ENOX1: variants seen among roughly 807,000 people sequenced by gnomAD.
ENOX1 encodes candidate growth-related and time keeping constitutive hydroquinone (NADH) oxidase.
A neutral mutation model predicts 82.5 loss-of-function variants in ENOX1; 42 were observed. That is an observed-to-expected ratio of 0.51 (90% confidence interval 0.40 to 0.66). ENOX1 has a LOEUF of 0.66. Ranked by LOEUF, ENOX1 falls within the 30% of genes least tolerant of loss-of-function variation. ENOX1 has a pLI of 0.00. For synonymous variants in ENOX1, 271 were observed against 282.2 expected, an observed-to-expected ratio of 0.96 and a Z score of 0.40; for missense variants, 608 against 811.6, an observed-to-expected ratio of 0.75 and a Z score of 3.05.
intron 1 of ENOX1, among the ~76,000 whole-genome samples, chr13:43,744,697 A>T (rs556832569): frequency 6.6e-6 from 1 of 152,328 alleles, no homozygotes; most frequent in South Asian, 2.1e-4. Context: ...TGCTTTCACC[A>T]TTATTAAAGT....
chr13:43,376,613 C>A (rs2051650713), intron 5 of ENOX1, among the ~76,000 whole-genome samples: 1 of 152,184 alleles, frequency 6.6e-6, no homozygotes, highest in African/African-American at 2.4e-5. Flanking sequence ...AGAGCTGAAA[C>A]TCTACCCAGA....
In ENOX1 at chr13:43,244,154, A is replaced by C. The variant is rs1189833980; in HGVS notation, c.1612-7416T>G. 2.0e-5 allele frequency among the ~76,000 whole-genome samples: 3 copies of C among 150,752 alleles called. No homozygotes were observed. In the East Asian group the frequency reaches 5.8e-4, roughly 29 times the overall value. On this transcript the variant is annotated intron_variant, in intron 14 of 16. Transcript: ENST00000690772. ...ATTTACATACTAGATAACTTTAGGC[A>C]GGGCATTTCTCTAAGCCTTAACTTT...
chr13:43,497,721 C>T (rs763308969), intron 2 of ENOX1, among the ~76,000 whole-genome samples: 8 of 152,024 alleles, frequency 5.3e-5, no homozygotes, highest in Non-Finnish European at 1.0e-4. Flanking sequence ...CTTATCAGGA[C>T]TTGGTATTAG....
intron 2 of ENOX1, among the ~76,000 whole-genome samples, chr13:43,645,436 G>T (rs2083851622): frequency 6.6e-6 from 1 of 151,920 alleles, no homozygotes. Flanking sequence ...TGGGATTACA[G>T]GCATGAGCCA....
At chr13:43,587,263 C>T (rs1352990240) in intron 2 of ENOX1, among the ~76,000 whole-genome samples, 1 of 152,094 alleles carries the variant, frequency 6.6e-6, no homozygotes, top group East Asian at 1.9e-4. Flanking sequence ...TAAAGAATTC[C>T]ACTTTCTTTC....
chr13:43,772,749 T>TAAAAAAAAAAAAAAAAAAAAA (rs35359203), intron 1 of ENOX1, among the ~76,000 whole-genome samples: 4 of 112,110 alleles, frequency 3.6e-5, no homozygotes, highest in African/African-American at 1.2e-4. Context: ...ACTCTGTCTT[T>TAAAAAAAAAAAAAAAAAAAAA]AAAAAAAAAA....
intron 2 of ENOX1, among the ~76,000 whole-genome samples, chr13:43,625,953 G>A (rs1417420292): frequency 1.3e-5 from 2 of 151,838 alleles, no homozygotes; most frequent in Non-Finnish European, 3.0e-5. Context: ...GAATTCTCCA[G>A]TAAAACAAAT....
At chr13:43,532,357 A>G (rs2078266983) in intron 2 of ENOX1, among the ~76,000 whole-genome samples, 1 of 152,122 alleles carries the variant, frequency 6.6e-6, no homozygotes, top group Admixed American at 6.6e-5. Context: ...ATGTTCTTCT[A>G]TGACAGTGGT....
intron 1 of ENOX1, among the ~76,000 whole-genome samples, chr13:43,667,759 C>G (rs1004181065): frequency 4.6e-5 from 7 of 152,184 alleles, no homozygotes; most frequent in African/African-American, 1.7e-4. Context: ...AAGGTCTCAT[C>G]ATAAACAAAG....
intron 3 of ENOX1, among the ~76,000 whole-genome samples, chr13:43,470,153 A>G (rs2057923715): frequency 6.7e-6 from 1 of 149,898 alleles, no homozygotes; most frequent in African/African-American, 2.4e-5. Flanking sequence ...ATAAAAAGCT[A>G]CAACTGTACT....
chr13:43,556,221 C>T (rs557779935), intron 2 of ENOX1, among the ~76,000 whole-genome samples: 75 of 76,440 alleles, frequency 9.8e-4, no homozygotes, highest in African/African-American at 3.5e-3. Flanking sequence ...AGTTACTAGG[C>T]TAACTTGCCC....
intron 1 of ENOX1, among the ~76,000 whole-genome samples, chr13:43,683,445 T>C (rs550928649): frequency 2.0e-5 from 3 of 152,202 alleles, no homozygotes; most frequent in South Asian, 2.1e-4. Flanking sequence ...TCTTTCCCAA[T>C]GAGATGCAGG....
intron 14 of ENOX1, among the ~76,000 whole-genome samples, chr13:43,264,779 A>G (rs927453209): frequency 1.3e-5 from 2 of 152,246 alleles, no homozygotes; most frequent in African/African-American, 4.8e-5. Context: ...CTGAGACTAA[A>G]GAACTTTCAA....
At chr13:43,290,817 G>A (rs758526017) in intron 12 of ENOX1, among the ~76,000 whole-genome samples, 4 of 152,080 alleles carry the variant, frequency 2.6e-5, no homozygotes, top group Non-Finnish European at 5.9e-5. Flanking sequence ...ACTTGAGATC[G>A]GGAGTTCAAG....
At chr13:43,531,933 G>A (rs2078245459) in intron 2 of ENOX1, among the ~76,000 whole-genome samples, 1 of 138,758 alleles carries the variant, frequency 7.2e-6, no homozygotes, top group Non-Finnish European at 1.6e-5. Context: ...GTGGGGTGAG[G>A]GGAGGGGGGA....
chr13:43,751,618 G>A (rs1012660591), intron 1 of ENOX1, among the ~76,000 whole-genome samples: 9 of 151,990 alleles, frequency 5.9e-5, no homozygotes, highest in African/African-American at 1.7e-4. Flanking sequence ...TGAAATATAG[G>A]GAATCATGCA....
intron 2 of ENOX1, among the ~76,000 whole-genome samples, chr13:43,517,299 A>G (rs985521523): frequency 6.6e-6 from 1 of 152,084 alleles, no homozygotes; most frequent in African/African-American, 2.4e-5. Flanking sequence ...GGAGTTCAAG[A>G]CCAGCCTGGC....
chr13:43,701,778 A>G (rs2086919279), intron 1 of ENOX1, among the ~76,000 whole-genome samples: 1 of 152,150 alleles, frequency 6.6e-6, no homozygotes, highest in Non-Finnish European at 1.5e-5. Flanking sequence ...AATTATAATA[A>G]TCTTCCCAAG....
intron 2 of ENOX1, among the ~76,000 whole-genome samples, chr13:43,526,877 C>T (rs982264480): frequency 1.3e-5 from 2 of 152,104 alleles, no homozygotes; most frequent in East Asian, 1.9e-4. Context: ...GCTTGTTCCT[C>T]ATGAATGGGA....
Sources: allele counts gnomAD v4.1 joint callset (sites outside exome capture counted in the v4.1 genomes callset), GRCh38; gene constraint gnomAD v4.1.1; transcripts MANE v1.5; gene names NCBI Gene and HGNC (gene_info 2026-07-23, HGNC 2026-07-21).